The following UCP2 variants were observed in gnomAD, a reference collection of about 807,000 sequenced individuals.
The protein encoded by UCP2 is dicarboxylate carrier SLC25A8.
In UCP2, 27 loss-of-function variants were observed where a neutral mutation model predicts 31.3. The observed-to-expected ratio is 0.86, with a 90% confidence interval of 0.64 to 1.19. The LOEUF is 1.19. Among genes scored for constraint, UCP2 ranks in the 50% most tolerant of loss-of-function variants. The pLI is 0.00. For missense variants in UCP2, 377 were observed against 413.5 expected (o/e 0.91, Z 0.76); for synonymous variants, 142 against 157.4 (o/e 0.90, Z 0.73).
At chr11:73,979,819 A>G (rs56282097) in intron 2 of UCP2, 36,948 of 140,574 alleles carry the variant, frequency 0.26, 4,668 homozygotes, top group Admixed American at 0.34. Flanking sequence ...CCTTGTCTCA[A>G]AAAAAAAAAA....
At chr11:73,979,564 CAA>C (rs769193946) in intron 2 of UCP2, among the ~76,000 whole-genome samples, 1 of 150,872 alleles carries the variant, frequency 6.6e-6, no homozygotes, top group East Asian at 1.9e-4. Flanking sequence ...GACAAACAAA[CAA>C]AAAAAAACCT....
chr11:73,981,108 G>C (rs1219784846), intron 2 of UCP2: 3 of 152,222 alleles, frequency 2.0e-5, no homozygotes, highest in Non-Finnish European at 4.4e-5. Context: ...CAGTTTCAGA[G>C]CCGGGCTGAT....
Position 73,978,462 on chromosome 11 carries a change from G to A in UCP2, c.-84C>T. ...TTAATCAGCAACAAGACGAGATAGA[G>A]GAACTCTGCCGGAATCTAAGCCAAG... On this transcript the variant is annotated 5_prime_UTR_variant, in exon 3 of 8. Transcript: ENST00000663595. 2 of 1,587,174 alleles carry A rather than the reference G, an allele frequency of 1.3e-6. No homozygotes were observed. The highest frequency in any genetic ancestry group is 1.1e-5 in the South Asian group (1 of 89,104).
In UCP2 at chr11:73,977,001, G is replaced by A. The variant is rs1019590354; in HGVS notation, c.354C>T (p.Ser118=). The A allele has an allele frequency of 7.5e-6, 12 of 1,599,576 alleles. No homozygotes were observed. Among genetic ancestry groups the A allele is most frequent in the Admixed American group, 1.7e-5 (1 of 59,158 alleles). The change falls in exon 5 of 8, where the codon AGC becomes AGT. Residue 118 remains serine, a synonymous_variant. Transcript: ENST00000663595. The part of the protein sequence containing the change: ...TKGSEHASIG[S]RLLAGSTTGA... ...CTGTGGTGCTGCCTGCTAGGAGGCG[G>A]CTCCCAATGCTGGCATCTGTGGGCG...
intron 1 of UCP2, among the ~76,000 whole-genome samples, chr11:73,982,022 C>T (rs1591223364): frequency 6.6e-6 from 1 of 152,124 alleles, no homozygotes; most frequent in Non-Finnish European, 1.5e-5. Flanking sequence ...GCCGGCCCTG[C>T]AGAGGCCAGA....
chr11:73,975,428 C>A (rs915714480), intron 7 of UCP2, 63 bp downstream of exon 7: 149 of 1,546,722 alleles, frequency 9.6e-5, no homozygotes, highest in Non-Finnish European at 1.2e-4. Context: ...TGGTTCTCTC[C>A]CACCCACAAT....
intron 2 of UCP2, chr11:73,979,938 T>G (rs900542263): frequency 6.6e-6 from 1 of 152,194 alleles, no homozygotes. Flanking sequence ...TGGCCTACCA[T>G]GTGATGCAGA....
Position 73,978,026 on chromosome 11 carries a change from A to G in UCP2, c.197T>C (p.Ile66Thr). Residue 66 changes from isoleucine to threonine, a missense_variant, in exon 4 of 8, where the codon ATT becomes ACT. By Grantham distance (89) the Ile-to-Thr change is moderately conservative. Transcript: ENST00000663595. ...GCCCTCAGTACGCACCATGGTCAGA[A>G]TGGTGCCCATCACACCGCGGTACTG... ...SAQYRGVMGT[I>T]LTMVRTEGPR... 6.2e-7 allele frequency: 1 copy of G among 1,614,188 alleles called. No homozygotes were observed. Among genetic ancestry groups the G allele is most frequent in the Non-Finnish European group, 8.5e-7 (1 of 1,180,028 alleles).
At chr11:73,975,995 G>C (rs1951337322) in intron 6 of UCP2, among the ~76,000 whole-genome samples, 1 of 152,136 alleles carries the variant, frequency 6.6e-6, no homozygotes, top group African/African-American at 2.4e-5. Flanking sequence ...GAGTCAGGGA[G>C]GTCGAGGCTG....
chr11:73,974,809 G>T lies in UCP2; in HGVS notation c.*198C>A, dbSNP rs376787453. 4 of 364,174 alleles carry T rather than the reference G, an allele frequency of 1.1e-5. No homozygotes were observed. The highest frequency in any genetic ancestry group is 1.6e-5 in the Non-Finnish European group (3 of 191,380). The allele number at this position is 364,174 out of a possible 1,614,324, so 22.6% of individuals were successfully genotyped here. A position where few individuals can be genotyped will look rare whatever the true frequency, so the allele number is the denominator to read the frequency against. On this transcript the variant is annotated 3_prime_UTR_variant, in exon 8 of 8. Transcript: ENST00000663595. ...TACGAGGCCTCCCACACTGTCAAATGTCAACTCCACCAGCACTGAGACAAT... is the reference window on the plus strand; with the variant it reads ...TACGAGGCCTCCCACACTGTCAAATTTCAACTCCACCAGCACTGAGACAAT...
At chr11:73,978,875 A>G (rs528892663) in intron 2 of UCP2, 1 of 267,532 alleles carries the variant, frequency 3.7e-6, no homozygotes, top group East Asian at 9.7e-5. Context: ...ACTAAGACCC[A>G]ACAGGCACAG....
chr11:73,978,490 G>T lies in UCP2; in HGVS notation c.-99-13C>A. ...ACTCTGCCGGAATCTAAGCCAAGAG[G>T]AGAAAAGCCCCATTAGCCACAATGT... On this transcript the variant is annotated splice_polypyrimidine_tract_variant and intron_variant, in intron 2 of 7. Transcript: ENST00000663595. The T allele has an allele frequency of 4.0e-6, 6 of 1,498,648 alleles. No individual in the cohort carries two copies. Among genetic ancestry groups the T allele is most frequent in the Non-Finnish European group, 5.4e-6 (6 of 1,104,982 alleles). 92.8% of individuals were successfully genotyped at this position (1,498,648 alleles called of 1,614,324 possible). A position where few individuals can be genotyped will look rare whatever the true frequency, so the allele number is the denominator to read the frequency against.
intron 7 of UCP2, 51 bp downstream of exon 7, chr11:73,975,440 G>A (rs746081180): frequency 8.3e-6 from 13 of 1,567,794 alleles, no homozygotes; most frequent in Non-Finnish European, 1.0e-5. Context: ...ACCCACAATA[G>A]ACATGCATAG....
Position 73,975,019 on chromosome 11 carries a change from C to T in UCP2, c.918G>A (p.Glu306=). Residue 306 remains glutamate (E), a synonymous_variant, in exon 8 of 8, where the codon GAG becomes GAA. Transcript: ENST00000663595. ...RALMAACTSR[E]APF Reference sequence around the variant, plus strand: ...CAGCAGGAGAGGCTCAGAAGGGAGCCTCTCGGGAAGTGCAGGCAGCCATGA... The same window carrying T: ...CAGCAGGAGAGGCTCAGAAGGGAGCTTCTCGGGAAGTGCAGGCAGCCATGA... 6.2e-7 allele frequency: 1 copy of T among 1,604,184 alleles called. No individual in the cohort carries two copies. Among genetic ancestry groups the T allele is most frequent in the Non-Finnish European group, 8.5e-7 (1 of 1,175,234 alleles).
At chr11:73,982,685 G>C (rs1228541923) in intron 1 of UCP2, 36 bp downstream of exon 1, 1 of 152,450 alleles carries the variant, frequency 6.6e-6, no homozygotes, top group Non-Finnish European at 1.5e-5. Context: ...ACAAGCGTGG[G>C]GGGCGCAAAG....
In UCP2 at chr11:73,977,895, C is replaced by T. The variant is rs1951380495; in HGVS notation, c.328G>A (p.Gly110Ser). 1 of 1,614,064 alleles carries T rather than the reference C, an allele frequency of 6.2e-7. No homozygotes were observed. The highest frequency in any genetic ancestry group is 1.7e-5 in the Admixed American group (1 of 60,010). ...YDSVKQFYTKGSEHASIGSRL... is the reference protein window; with the variant it reads ...YDSVKQFYTKSSEHASIGSRL... The stretch of plus-strand genomic sequence containing the variant: ...CTTGCTCCATACTCACGCTCAGAGC[C>T]CTTGGTGTAGAACTGTTTGACAGAA... The change falls in exon 4 of 8, where the codon GGC becomes AGC. Residue 110 changes from glycine to serine, a missense_variant. By Grantham distance (56) the Gly-to-Ser change is moderately conservative. Transcript: ENST00000663595.
chr11:73,978,521 G>A (rs1951400861), intron 2 of UCP2, 44 bp from the exon 3 acceptor site: 2 of 1,222,718 alleles, frequency 1.6e-6, no homozygotes, highest in African/African-American at 1.5e-5. Flanking sequence ...AATGTCCCCA[G>A]GCCCTCCCTG....
In UCP2 at chr11:73,974,707, T is replaced by G. The variant is rs45565136; in HGVS notation, c.*300A>C. Reference sequence around the variant, plus strand: ...CTTGCTTTATGGATGACAAGTGGGCTAGGCTGGGCTGTCGGGGGCAGGACG... The same window carrying G: ...CTTGCTTTATGGATGACAAGTGGGCGAGGCTGGGCTGTCGGGGGCAGGACG... On this transcript the variant is annotated 3_prime_UTR_variant, in exon 8 of 8. Coordinates refer to ENST00000663595, the MANE Select transcript of UCP2 (RefSeq NM_003355.3). 7.5e-3 allele frequency: 3,206 copies of G among 427,322 alleles called. 87 individuals are homozygous for G. The highest frequency in any genetic ancestry group is 0.059 in the African/African-American group (2,906 of 49,620). The allele number at this position is 427,322 out of a possible 1,614,324, so 26.5% of individuals were successfully genotyped here.
chr11:73,977,779 C>G (rs1951378421), intron 4 of UCP2, 107 bp downstream of exon 4: 1 of 1,460,822 alleles, frequency 6.8e-7, no homozygotes, highest in Non-Finnish European at 9.4e-7. Context: ...TTCCCCTGAT[C>G]TTCCTAGGGA....
Sources: allele counts gnomAD v4.1 joint callset (sites outside exome capture counted in the v4.1 genomes callset), GRCh38; gene constraint gnomAD v4.1.1; transcripts MANE v1.5; gene names NCBI Gene and HGNC (gene_info 2026-07-23, HGNC 2026-07-21).